Variants in ANKAR observed in about 807,000 individuals in gnomAD.
ANKAR encodes the protein ankyrin and armadillo repeat containing.
A neutral mutation model predicts 146.2 loss-of-function variants in ANKAR; 136 were observed. The observed-to-expected ratio is 0.93, with a 90% CI of 0.81 to 1.07. The LOEUF is 1.07. Among genes scored for constraint, ANKAR ranks in the 50% least tolerant of loss-of-function variants. ANKAR has a pLI of 0.00. For synonymous variants in ANKAR, 500 were observed against 575.8 expected (o/e 0.87, Z 1.88); for missense variants, 1,567 against 1,679.9 (o/e 0.93, Z 1.18).
intron 2 of ANKAR, among the ~76,000 whole-genome samples, chr2:189,680,026 C>T (rs1249426211): frequency 1.3e-5 from 2 of 152,052 alleles, no homozygotes; most frequent in East Asian, 3.9e-4. Context: ...AGACTGATAC[C>T]AGTTCTTCTT....
intron 7 of ANKAR, among the ~76,000 whole-genome samples, chr2:189,699,265 G>A (rs2037710980): frequency 6.6e-6 from 1 of 152,230 alleles, no homozygotes; most frequent in Non-Finnish European, 1.5e-5. Flanking sequence ...GGACAGTATA[G>A]AGGACAAGTG....
chr2:189,758,623 C>G (rs557619656), intron 18 of ANKAR, among the ~76,000 whole-genome samples: 1 of 152,284 alleles, frequency 6.6e-6, no homozygotes, highest in South Asian at 2.1e-4. Context: ...TGAACTAACA[C>G]AGGTTATAAT....
chr2:189,682,407 G>A (rs936199341), intron 2 of ANKAR, among the ~76,000 whole-genome samples: 1 of 152,048 alleles, frequency 6.6e-6, no homozygotes, highest in Non-Finnish European at 1.5e-5. Context: ...AACAATGTGT[G>A]GTGCAAGCAG....
rs755188051 is a variant in ANKAR at position 189,707,071 on chromosome 2, AC to A, written c.2046del (p.His684IlefsTer8). The A allele has an allele frequency of 5.0e-6, 8 of 1,609,684 alleles. No homozygotes were observed. In the African/African-American group the frequency reaches 1.1e-4, roughly 22 times the overall value. ...TAATATAATCCATTTATCAGTGTTA[AC>A]CTTTCATACAGAGGTTCTCAAATAT... is the stretch of plus-strand genomic sequence containing the variant. The part of the protein sequence containing the change: ...GNNIIHLSVL[T>X]FHTEVLKYII... On this transcript the variant is annotated frameshift_variant, in exon 9 of 23. Transcript: ENST00000684021. LOFTEE classifies it high-confidence loss of function.
downstream of ANKAR, among the ~76,000 whole-genome samples, chr2:189,748,969 G>T (rs1282753856): frequency 6.6e-6 from 1 of 152,012 alleles, no homozygotes; most frequent in African/African-American, 2.4e-5. Context: ...TTTATTGGCT[G>T]GGCATGATGG....
chr2:189,696,742 C>T (rs1451660007), intron 7 of ANKAR, among the ~76,000 whole-genome samples: 1 of 152,106 alleles, frequency 6.6e-6, no homozygotes, highest in Non-Finnish European at 1.5e-5. Flanking sequence ...ATTTGATAAG[C>T]ACTGGCAAAA....
chr2:189,707,029 A>T lies in ANKAR; in HGVS notation c.2002A>T (p.Thr668Ser). ...TTCTATCGGTGCTAACTGGAGAAAA[A>T]CAGATATTAAAGGAAATAATATAAT... ...LFSIGANWRKTDIKGNNIIHL... is the reference protein window; with the variant it reads ...LFSIGANWRKSDIKGNNIIHL... Residue 668 changes from threonine to serine, a missense_variant, in exon 9 of 23, where the codon ACA becomes TCA. Coordinates refer to ENST00000684021, the MANE Select transcript of ANKAR (RefSeq NM_001378068.1). 1 of 1,613,634 alleles carries T rather than the reference A, an allele frequency of 6.2e-7. No individual in the cohort carries two copies. Among genetic ancestry groups the T allele is most frequent in the Non-Finnish European group, 8.5e-7 (1 of 1,179,638 alleles).
chr2:189,762,838 C>T, downstream of ANKAR: 5 of 985,412 alleles, frequency 5.1e-6, no homozygotes, highest in Non-Finnish European at 6.0e-6. Context: ...GCTGCTGTTC[C>T]GCTAGCGAGC....
intron 18 of ANKAR, among the ~76,000 whole-genome samples, chr2:189,759,408 C>G (rs887400886): frequency 6.6e-6 from 1 of 152,172 alleles, no homozygotes; most frequent in Non-Finnish European, 1.5e-5. Context: ...GCCACCACGC[C>G]TGGCTAATTT....
chr2:189,751,420 C>T (rs995416619), downstream of ANKAR, among the ~76,000 whole-genome samples: 8 of 149,742 alleles, frequency 5.3e-5, no homozygotes, highest in Middle Eastern at 3.5e-3. Context: ...TGTCAAGTTA[C>T]GGAATATAAT....
intron 17 of ANKAR, among the ~76,000 whole-genome samples, chr2:189,734,849 AG>A (rs1027994615): frequency 2.0e-5 from 3 of 151,992 alleles, no homozygotes; most frequent in African/African-American, 7.3e-5. Context: ...CTGTAGTCCT[AG>A]CTACTTGGGA....
Position 189,696,195 on chromosome 2 carries a change from G to A in ANKAR, c.1534G>A (p.Ala512Thr), listed in dbSNP as rs764136581. 2 of 1,614,006 alleles carry A rather than the reference G, an allele frequency of 1.2e-6. No individual in the cohort carries two copies. The highest frequency in any genetic ancestry group is 1.7e-6 in the Non-Finnish European group (2 of 1,179,990). The stretch of plus-strand genomic sequence containing the variant: ...GTCCGCTGTTGAAAGAGGGTTGTCT[G>A]CAGTTTTCCACACATTTAGCCGTAA... ...MKSAVERGLS[A>T]VFHTFSRKTS... The change falls in exon 7 of 23, where the codon GCA (alanine) becomes ACA (threonine). Residue 512 changes from alanine (A) to threonine (T), a missense_variant. By Grantham distance (58) the Ala-to-Thr change is moderately conservative. Coordinates refer to ENST00000684021, the MANE Select transcript of ANKAR (RefSeq NM_001378068.1).
chr2:189,743,262 TTTC>T lies in ANKAR; in HGVS notation c.3811-9_3811-7del, dbSNP rs1418047766. The T allele has an allele frequency of 3.2e-5, 51 of 1,608,464 alleles. No homozygotes were observed. Among genetic ancestry groups the T allele is most frequent in the Non-Finnish European group, 4.3e-5 (51 of 1,176,606 alleles). On this transcript the variant is annotated splice_polypyrimidine_tract_variant and intron_variant, in intron 20 of 22. Transcript: ENST00000684021. ...AAGCCCACTGGTTAAGAAAGAATTG[TTTC>T]TTCATTTAGGTTCGTGCAGCTTGTT... is the stretch of plus-strand genomic sequence containing the variant.
intron 16 of ANKAR, among the ~76,000 whole-genome samples, chr2:189,732,686 G>A (rs904249050): frequency 5.0e-5 from 7 of 141,202 alleles, no homozygotes; most frequent in Admixed American, 2.1e-4. Flanking sequence ...AAAAAAAAAG[G>A]TGCTGCATTA....
intron 12 of ANKAR, 102 bp from the exon 13 acceptor site, chr2:189,727,754 T>G: frequency 7.2e-7 from 1 of 1,388,576 alleles, no homozygotes. Flanking sequence ...CTAAGCTTTT[T>G]ATAAATTTGA....
intron 18 of ANKAR, among the ~76,000 whole-genome samples, chr2:189,758,418 CT>C (rs559854849): frequency 6.8e-4 from 104 of 152,040 alleles, no homozygotes; most frequent in African/African-American, 2.2e-3. Context: ...CTCACCCCCC[CT>C]CTCTCGGTCC....
At chr2:189,700,076 T>C (rs925797307) in intron 7 of ANKAR, among the ~76,000 whole-genome samples, 3 of 152,166 alleles carry the variant, frequency 2.0e-5, no homozygotes, top group African/African-American at 7.2e-5. Flanking sequence ...GTCCTTCCTT[T>C]ATGTTATGTA....
chr2:189,703,682 G>C (rs2105638711), intron 7 of ANKAR, among the ~76,000 whole-genome samples: 1 of 152,268 alleles, frequency 6.6e-6, no homozygotes, highest in East Asian at 1.9e-4. Flanking sequence ...GCCCAAGATT[G>C]AGCCTTAAAG....
intron 2 of ANKAR, among the ~76,000 whole-genome samples, chr2:189,682,782 G>A (rs1422059973): frequency 6.6e-6 from 1 of 152,202 alleles, no homozygotes; most frequent in Non-Finnish European, 1.5e-5. Flanking sequence ...TAGAAAAGGA[G>A]GGAGCATCAA....
Sources: gnomAD v4.1 joint callset for allele counts (sites outside exome capture counted in the v4.1 genomes callset) on GRCh38, gnomAD v4.1.1 for gene constraint, MANE v1.5 for transcripts, NCBI Gene and HGNC (gene_info 2026-07-23, HGNC 2026-07-21) for gene names.